ACTR2: variants seen among roughly 807,000 people sequenced by gnomAD.
ACTR2 encodes the protein actin related protein 2.
A neutral mutation model predicts 50.2 loss-of-function variants in ACTR2; 5 were observed. That is an observed-to-expected ratio of 0.10 (90% CI 0.05 to 0.21). The LOEUF (loss-of-function observed/expected upper bound fraction) is 0.21, where lower values mean the gene tolerates loss of function less well. Ranked by LOEUF, ACTR2 falls within the 10% of genes least tolerant of loss-of-function variation. ACTR2 has a pLI of 1.00. For missense variants in ACTR2, 180 were observed against 480.6 expected, an observed-to-expected ratio of 0.37 and a Z score of 5.85; for synonymous variants, 140 against 162.9, an observed-to-expected ratio of 0.86 and a Z score of 1.07.
In ACTR2 at chr2:65,250,672, CAAAAAA is replaced by C. The variant is rs368589131; in HGVS notation, c.376-339_376-334del. Among the ~76,000 whole-genome samples the C allele has an allele frequency of 1.3e-4, 11 of 84,912 alleles. No homozygotes were observed. The South Asian group carries it at 2.0e-3, about 16-fold the overall frequency. The allele number at this position is 84,912 out of a possible 152,430, so 55.7% of individuals were successfully genotyped here. Reference sequence around the variant, plus strand: ...TGGGCAACAGAGTGAGACTTCATCTCAAAAAAAAAAAAAAAAAAAAAGAATTTCCCT... The same window carrying C: ...TGGGCAACAGAGTGAGACTTCATCTCAAAAAAAAAAAAAAAGAATTTCCCT... On this transcript the variant is annotated intron_variant, in intron 3 of 8. Coordinates refer to ENST00000260641, the MANE Select transcript of ACTR2 (RefSeq NM_005722.4).
At chr2:65,258,053 C>A (rs1439393180) in intron 6 of ACTR2, among the ~76,000 whole-genome samples, 1 of 152,144 alleles carries the variant, frequency 6.6e-6, no homozygotes, top group Non-Finnish European at 1.5e-5. Context: ...GCTAGGTTTT[C>A]TTCTAGGAGT....
At chr2:65,258,834 T>G (rs1672204066) in intron 6 of ACTR2, among the ~76,000 whole-genome samples, 1 of 152,152 alleles carries the variant, frequency 6.6e-6, no homozygotes, top group African/African-American at 2.4e-5. Context: ...ACTATCAGGC[T>G]TCAAGTGCTT....
intron 7 of ACTR2, among the ~76,000 whole-genome samples, chr2:65,263,288 A>T (rs1433780821): frequency 3.5e-5 from 5 of 144,840 alleles, no homozygotes; most frequent in Non-Finnish European, 7.5e-5. Context: ...TCAGTTTTGA[A>T]AAGTTTTCTT....
chr2:65,265,285 C>T (rs1400887986), intron 8 of ACTR2, 110 bp downstream of exon 8: 2 of 1,214,186 alleles, frequency 1.6e-6, no homozygotes, highest in Non-Finnish European at 2.4e-6. Context: ...AAACAAATTC[C>T]TACTGCAGTC....
chr2:65,249,699 CA>C (rs1339419474), intron 3 of ACTR2, among the ~76,000 whole-genome samples: 8 of 147,690 alleles, frequency 5.4e-5, no homozygotes, highest in Non-Finnish European at 4.5e-5. Context: ...TCAAGATCAC[CA>C]AAAAAAAAAT....
At chr2:65,268,379 T>C (rs976890694) in intron 8 of ACTR2, among the ~76,000 whole-genome samples, 185 bp from the exon 9 acceptor site, 5 of 152,142 alleles carry the variant, frequency 3.3e-5, no homozygotes, top group African/African-American at 4.8e-5. Flanking sequence ...ATGTGTGGTC[T>C]CCTAAACATG....
chr2:65,246,713 A>G lies in ACTR2; in HGVS notation c.349A>G (p.Thr117Ala). Reference protein sequence around the residue: ...ILLTEPPMNPTKNREKIVEVM... With the variant: ...ILLTEPPMNPAKNREKIVEVM... The stretch of plus-strand genomic sequence containing the variant: ...ACTCACAGAACCTCCTATGAACCCA[A>G]CCAAAAACAGAGAGAAGATTGTAGA... Residue 117 changes from threonine to alanine, a missense_variant, in exon 3 of 9, where the codon ACC becomes GCC. Coordinates refer to ENST00000260641, the MANE Select transcript of ACTR2 (RefSeq NM_005722.4). 1.2e-6 allele frequency: 2 copies of G among 1,610,720 alleles called. No individual in the cohort carries two copies. The highest frequency in any genetic ancestry group is 1.7e-6 in the Non-Finnish European group (2 of 1,178,798).
chr2:65,266,708 T>C (rs2080342), intron 8 of ACTR2, among the ~76,000 whole-genome samples: 51,322 of 151,406 alleles, frequency 0.34, 9,405 homozygotes, highest in East Asian at 0.73. Flanking sequence ...AGGGGAGGGA[T>C]GGTAGAGTTT....
intron 6 of ACTR2, among the ~76,000 whole-genome samples, chr2:65,259,512 T>C (rs945086930): frequency 6.6e-6 from 1 of 152,122 alleles, no homozygotes; most frequent in African/African-American, 2.4e-5. Context: ...GCAGATCACT[T>C]GAGGCCAGGA....
intron 1 of ACTR2, among the ~76,000 whole-genome samples, chr2:65,238,867 C>T (rs1287376554): frequency 2.6e-5 from 4 of 151,852 alleles, no homozygotes; most frequent in Non-Finnish European, 4.4e-5. Context: ...ACTTGGGAGG[C>T]TAAGGCAGGA....
At chr2:65,243,314 A>G (rs1219727954) in intron 2 of ACTR2, among the ~76,000 whole-genome samples, 1 of 151,552 alleles carries the variant, frequency 6.6e-6, no homozygotes, top group Admixed American at 6.6e-5. Context: ...GCGCTTGTAG[A>G]GAACAGTGTA....
At chr2:65,228,030 G>A in intron 1 of ACTR2, 73 bp downstream of exon 1, 2 of 1,384,898 alleles carry the variant, frequency 1.4e-6, no homozygotes, top group Non-Finnish European at 1.9e-6. Flanking sequence ...ACGGGCCCTC[G>A]GCCCCCAGGG....
At chr2:65,249,994 G>T (rs553200977) in intron 3 of ACTR2, among the ~76,000 whole-genome samples, 64 of 152,094 alleles carry the variant, frequency 4.2e-4, no homozygotes, top group Non-Finnish European at 7.9e-4. Flanking sequence ...GGTAGACAGA[G>T]CTACACTCTT....
intron 5 of ACTR2, 32 bp from the exon 6 acceptor site, chr2:65,255,513 A>G (rs1672134264): frequency 6.3e-7 from 1 of 1,599,268 alleles, no homozygotes; most frequent in South Asian, 1.1e-5. Context: ...ATTCAGATGT[A>G]TTATGAACTT....
At chr2:65,236,731 C>T (rs1219314550) in intron 1 of ACTR2, among the ~76,000 whole-genome samples, 1 of 152,096 alleles carries the variant, frequency 6.6e-6, no homozygotes, top group Non-Finnish European at 1.5e-5. Context: ...CAGGCATGCA[C>T]CACCATACCT....
In ACTR2 at chr2:65,244,997, AAGTT is replaced by A. The variant is rs368299076; in HGVS notation, c.160-1523_160-1520del. 5.7e-4 allele frequency among the ~76,000 whole-genome samples: 87 copies of A among 151,914 alleles called. 1 individual carries two copies. The highest frequency in any genetic ancestry group is 3.9e-4 in the East Asian group (2 of 5,166). On this transcript the variant is annotated intron_variant, in intron 2 of 8. Coordinates refer to ENST00000260641, the MANE Select transcript of ACTR2 (RefSeq NM_005722.4). ...TTAATATTTCAGATATTTGAGTAAT[AAGTT>A]AGTAAGTTATGGTAAATGAACTTCA...
intron 8 of ACTR2, among the ~76,000 whole-genome samples, chr2:65,268,018 T>C (rs1030794825): frequency 5.9e-5 from 9 of 151,892 alleles, no homozygotes; most frequent in South Asian, 2.1e-4. Flanking sequence ...TTTGTATTTT[T>C]AGTAGAGACG....
At position 65,270,950 on chromosome 2, in the gene ACTR2, A is replaced by C. The variant is rs1296526037; in HGVS notation, c.*2216A>C. 6.6e-6 allele frequency: 1 copy of C among 152,140 alleles called. No homozygotes were observed. The highest frequency in any genetic ancestry group is 1.5e-5 in the Non-Finnish European group (1 of 68,020). The allele number at this position is 152,140 out of a possible 1,614,324, so 9.4% of individuals were successfully genotyped here. A position where few individuals can be genotyped will look rare whatever the true frequency, so the allele number is the denominator to read the frequency against. ...AAAGCAATCTGATTCTTAGCTCTTG[A>C]AACTATTGCTACTTAAATTTCCAAT... On this transcript the variant is annotated 3_prime_UTR_variant, in exon 9 of 9. Transcript: ENST00000260641.
intron 7 of ACTR2, among the ~76,000 whole-genome samples, chr2:65,264,516 G>C (rs1316009926): frequency 6.6e-6 from 1 of 152,162 alleles, no homozygotes; most frequent in African/African-American, 2.4e-5. Context: ...AGAGGGTACT[G>C]CTGTCAGTAG....
Sources: gnomAD v4.1 joint callset for allele counts (sites outside exome capture counted in the v4.1 genomes callset) on GRCh38, gnomAD v4.1.1 for gene constraint, MANE v1.5 for transcripts, NCBI Gene and HGNC (gene_info 2026-07-23, HGNC 2026-07-21) for gene names.